Variants in ROBO1 observed in about 807,000 individuals in gnomAD.
ROBO1 encodes roundabout homolog 1.
ROBO1 carries 149 observed loss-of-function variants against 195.9 expected under a neutral mutation model. The observed-to-expected ratio is 0.76, with a 90% CI of 0.67 to 0.87. The LOEUF (loss-of-function observed/expected upper bound fraction) is 0.87. Ranked by LOEUF, ROBO1 falls within the 40% of genes least tolerant of loss-of-function variation. The probability of loss-of-function intolerance (pLI) is 0.00; values close to 1 mark genes in which losing one functional copy is unlikely to be tolerated. For missense variants in ROBO1, 1,933 were observed against 2,068.3 expected (o/e 0.93, Z 1.27); for synonymous variants, 816 against 733.2 (o/e 1.11, Z -1.82).
At chr3:79,759,905 A>G (rs1704595781) in intron 1 of ROBO1, among the ~76,000 whole-genome samples, 1 of 152,122 alleles carries the variant, frequency 6.6e-6, no homozygotes. Flanking sequence ...ATAAAACAAA[A>G]AATCAATTCC....
Position 79,423,042 on chromosome 3 carries a change from T to G in ROBO1, c.88+166782A>C, listed in dbSNP as rs543850971. On this transcript the variant is annotated intron_variant, in intron 2 of 30. Transcript: ENST00000464233. Reference sequence around the variant, plus strand: ...GAATTATTTACTCTGCTCAAACGTCTGATATATCCTGAAATAAACATGGAT... The same window carrying G: ...GAATTATTTACTCTGCTCAAACGTCGGATATATCCTGAAATAAACATGGAT... Among the ~76,000 whole-genome samples, 6 of 152,230 alleles carry G rather than the reference T, an allele frequency of 3.9e-5. No homozygotes were observed. The East Asian group carries it at 1.2e-3, about 29-fold the overall frequency.
At chr3:79,640,514 C>A (rs1306374458) in intron 1 of ROBO1, among the ~76,000 whole-genome samples, 1 of 152,048 alleles carries the variant, frequency 6.6e-6, no homozygotes, top group Admixed American at 6.5e-5. Context: ...TTTGGGTGGT[C>A]TAATTTTACT....
At chr3:79,389,542 GTAA>G (rs1425528673) in intron 2 of ROBO1, among the ~76,000 whole-genome samples, 2 of 152,112 alleles carry the variant, frequency 1.3e-5, no homozygotes, top group African/African-American at 2.4e-5. Context: ...AATCTGATTT[GTAA>G]TAATAAGATT....
intron 3 of ROBO1, among the ~76,000 whole-genome samples, chr3:78,941,690 G>C (rs547457161): frequency 6.6e-6 from 1 of 152,296 alleles, no homozygotes; most frequent in South Asian, 2.1e-4. Context: ...ATTTCACCCA[G>C]AGGCACAGCT....
intron 29 of ROBO1, among the ~76,000 whole-genome samples, 168 bp from the exon 30 acceptor site, chr3:78,600,477 A>C (rs1005539088): frequency 2.6e-5 from 4 of 152,334 alleles, no homozygotes; most frequent in Middle Eastern, 6.8e-3. Flanking sequence ...GTGTGTTGAA[A>C]ATGAAAAGTA....
intron 2 of ROBO1, among the ~76,000 whole-genome samples, chr3:79,519,481 T>C (rs1205033932): frequency 5.9e-5 from 9 of 151,370 alleles, no homozygotes; most frequent in Admixed American, 1.3e-4. Flanking sequence ...TACAAAAAAT[T>C]AGCCGGGCGT....
At chr3:79,631,675 AAT>A (rs1476157793) in intron 1 of ROBO1, among the ~76,000 whole-genome samples, 1 of 152,122 alleles carries the variant, frequency 6.6e-6, no homozygotes, top group Non-Finnish European at 1.5e-5. Context: ...CAGCAAAAGA[AAT>A]AATCAATAGA....
At chr3:79,087,503 TTCTC>T (rs2079393140) in intron 3 of ROBO1, among the ~76,000 whole-genome samples, 3 of 152,058 alleles carry the variant, frequency 2.0e-5, no homozygotes, top group African/African-American at 7.2e-5. Flanking sequence ...TCCAGCTTCT[TTCTC>T]TTCCTTCCTT....
intron 2 of ROBO1, among the ~76,000 whole-genome samples, chr3:79,492,683 C>A (rs1260878017): frequency 7.9e-5 from 12 of 151,900 alleles, no homozygotes; most frequent in Admixed American, 6.6e-4. Flanking sequence ...CCTATAAACA[C>A]AAAAAATATT....
intron 3 of ROBO1, among the ~76,000 whole-genome samples, chr3:79,034,497 TATA>T (rs1237520316): frequency 2.0e-5 from 3 of 152,178 alleles, no homozygotes; most frequent in Admixed American, 2.0e-4. Context: ...TGCCCTTTGA[TATA>T]GTATTTCCAA....
intron 3 of ROBO1, among the ~76,000 whole-genome samples, chr3:79,116,443 T>TTTCCCTTTCCC (rs980574821): frequency 6.6e-6 from 1 of 150,706 alleles, no homozygotes; most frequent in African/African-American, 2.4e-5. Context: ...TTTCCTTTCC[T>TTTCCCTTTCCC]TTCCCTTTCC....
intron 3 of ROBO1, among the ~76,000 whole-genome samples, chr3:79,090,836 T>A (rs2079466531): frequency 6.6e-6 from 1 of 152,148 alleles, no homozygotes; most frequent in Admixed American, 6.6e-5. Flanking sequence ...ACAAAAAGTC[T>A]TTTTTTCTCA....
chr3:79,711,918 G>A (rs1702290081), intron 1 of ROBO1, among the ~76,000 whole-genome samples: 1 of 141,342 alleles, frequency 7.1e-6, no homozygotes, highest in Admixed American at 7.0e-5. Context: ...ATTTGTGGGG[G>A]ATGGGCGGGT....
Position 79,444,991 on chromosome 3 carries a change from T to A in ROBO1, c.88+144833A>T, listed in dbSNP as rs566207084. On this transcript the variant is annotated intron_variant, in intron 2 of 30. Transcript: ENST00000464233. ...AGATGGCAGGGATGAATGAAGAAGATGTTATCCAAGAAGAATAGCAAGCAG... is the reference window on the plus strand; with the variant it reads ...AGATGGCAGGGATGAATGAAGAAGAAGTTATCCAAGAAGAATAGCAAGCAG... Among the ~76,000 whole-genome samples the A allele has an allele frequency of 2.6e-5, 4 of 151,996 alleles. No individual in the cohort carries two copies. The East Asian group carries it at 7.8e-4, about 30-fold the overall frequency.
chr3:78,890,829 A>G (rs899049871), intron 4 of ROBO1, among the ~76,000 whole-genome samples: 5 of 152,074 alleles, frequency 3.3e-5, no homozygotes, highest in East Asian at 1.9e-4. Context: ...TAGCACAATC[A>G]TAACTCACTG....
chr3:79,328,827 G>A (rs1361713655), intron 2 of ROBO1, among the ~76,000 whole-genome samples: 2 of 151,582 alleles, frequency 1.3e-5, no homozygotes, highest in Admixed American at 1.3e-4. Flanking sequence ...AATTCCCAAA[G>A]TCTATTGTAT....
intron 2 of ROBO1, among the ~76,000 whole-genome samples, chr3:79,511,943 A>G (rs764603204): frequency 2.2e-4 from 33 of 152,154 alleles, no homozygotes; most frequent in Non-Finnish European, 4.7e-4. Context: ...GAGAGGAGGG[A>G]GAGAATCAGG....
chr3:79,461,165 T>C (rs1319124619), intron 2 of ROBO1, among the ~76,000 whole-genome samples: 2 of 152,128 alleles, frequency 1.3e-5, no homozygotes, highest in African/African-American at 4.8e-5. Flanking sequence ...TCTGTCTTAT[T>C]GGCAATTATC....
intron 8 of ROBO1, among the ~76,000 whole-genome samples, chr3:78,689,544 T>A: frequency 6.6e-6 from 1 of 152,112 alleles, no homozygotes; most frequent in East Asian, 1.9e-4. Context: ...AAAAGGTATT[T>A]GTTTTTGGGC....
Sources: gnomAD v4.1 joint callset for allele counts (sites outside exome capture counted in the v4.1 genomes callset) on GRCh38, gnomAD v4.1.1 for gene constraint, MANE v1.5 for transcripts, NCBI Gene and HGNC (gene_info 2026-07-23, HGNC 2026-07-21) for gene names.